Variants in SCHIP1 observed in about 807,000 individuals in gnomAD.
The protein encoded by SCHIP1 is schwannomin-interacting protein 1.
In SCHIP1, 8 loss-of-function variants were observed where a neutral mutation model predicts 29.7. That is an observed-to-expected ratio of 0.27 (90% CI 0.16 to 0.49). The LOEUF is 0.49. Ranked by LOEUF, SCHIP1 falls within the 20% of genes least tolerant of loss-of-function variation. The pLI, the probability that SCHIP1 is intolerant of heterozygous loss-of-function variation, is 0.99. For synonymous variants in SCHIP1, 76 were observed against 94.9 expected (o/e 0.80, Z 1.16); for missense variants, 193 against 294.6 (o/e 0.66, Z 2.52).
the SCHIP1 span, among the ~76,000 whole-genome samples, chr3:159,315,713 TA>T: frequency 1.3e-5 from 2 of 152,178 alleles, no homozygotes; most frequent in Non-Finnish European, 2.9e-5. Context: ...GGAGAGATAT[TA>T]AACTTAAGTG....
At chr3:159,425,577 CCACA>C in the SCHIP1 span, among the ~76,000 whole-genome samples, 1 of 152,078 alleles carries the variant, frequency 6.6e-6, no homozygotes, top group African/African-American at 2.4e-5. Flanking sequence ...ACTTAGACTC[CCACA>C]CATTAATAAT....
the SCHIP1 span, among the ~76,000 whole-genome samples, chr3:159,586,220 T>C: frequency 6.6e-6 from 1 of 152,126 alleles, no homozygotes; most frequent in African/African-American, 2.4e-5. Flanking sequence ...GGGATGTCTA[T>C]TTCTCCAGCT....
At chr3:159,669,496 A>C in the SCHIP1 span, among the ~76,000 whole-genome samples, 2 of 152,198 alleles carry the variant, frequency 1.3e-5, no homozygotes, top group African/African-American at 4.8e-5. Flanking sequence ...TCTGTGTGAA[A>C]ACTTAAAATT....
At chr3:159,344,321 CAA>C in the SCHIP1 span, among the ~76,000 whole-genome samples, 20 of 126,264 alleles carry the variant, frequency 1.6e-4, no homozygotes, top group African/African-American at 2.4e-4. Flanking sequence ...AACTCCATCT[CAA>C]AAAAAAAAAA....
At chr3:159,638,276 A>C in the SCHIP1 span, among the ~76,000 whole-genome samples, 1 of 152,212 alleles carries the variant, frequency 6.6e-6, no homozygotes, top group Non-Finnish European at 1.5e-5. Context: ...TCACTCTACA[A>C]GATTTTCATT....
chr3:159,341,542 C>A, the SCHIP1 span, among the ~76,000 whole-genome samples: 562 of 152,218 alleles, frequency 3.7e-3, 2 homozygotes, highest in African/African-American at 0.013. Context: ...CAAGCCAGCT[C>A]ACACAGGGCT....
At chr3:159,400,921 T>G in the SCHIP1 span, among the ~76,000 whole-genome samples, 19 of 152,328 alleles carry the variant, frequency 1.2e-4, no homozygotes, top group Non-Finnish European at 2.4e-4. Flanking sequence ...TTTGGGCCAG[T>G]TATTTAATCT....
chr3:159,582,330 A>AC, the SCHIP1 span, among the ~76,000 whole-genome samples: 404 of 148,044 alleles, frequency 2.7e-3, 5 homozygotes, highest in African/African-American at 9.6e-3. Context: ...TGTCTGGCTT[A>AC]TTTTTTTTTT....
the SCHIP1 span, among the ~76,000 whole-genome samples, chr3:159,654,033 T>C: frequency 6.6e-5 from 10 of 152,202 alleles, no homozygotes; most frequent in Middle Eastern, 3.2e-3. Flanking sequence ...AAATTGCCTT[T>C]AATACTTGAT....
At chr3:159,301,167 A>G in the SCHIP1 span, among the ~76,000 whole-genome samples, 3 of 152,148 alleles carry the variant, frequency 2.0e-5, no homozygotes, top group African/African-American at 7.2e-5. Context: ...TAAGCCTCAT[A>G]TCAACTTTTG....
chr3:159,391,247 A>C, the SCHIP1 span, among the ~76,000 whole-genome samples: 1 of 152,186 alleles, frequency 6.6e-6, no homozygotes, highest in African/African-American at 2.4e-5. Context: ...GCTTTCAATC[A>C]TTTTGATAGC....
At chr3:159,780,493 A>G in the SCHIP1 span, among the ~76,000 whole-genome samples, 5 of 152,294 alleles carry the variant, frequency 3.3e-5, no homozygotes, top group East Asian at 1.9e-4. Context: ...CTCTTGCCCA[A>G]TCATTAAATA....
the SCHIP1 span, among the ~76,000 whole-genome samples, chr3:159,341,127 G>A: frequency 6.6e-6 from 1 of 151,880 alleles, no homozygotes; most frequent in Non-Finnish European, 1.5e-5. Flanking sequence ...TTGAGTCCCT[G>A]GAGTGTTTTC....
chr3:159,706,222 T>G, the SCHIP1 span, among the ~76,000 whole-genome samples: 4 of 152,150 alleles, frequency 2.6e-5, no homozygotes, highest in Non-Finnish European at 5.9e-5. Flanking sequence ...GACTTTTTTT[T>G]AACTCCACCT....
At chr3:159,709,720 CT>C in the SCHIP1 span, among the ~76,000 whole-genome samples, 1 of 152,064 alleles carries the variant, frequency 6.6e-6, no homozygotes, top group Non-Finnish European at 1.5e-5. Context: ...TGTTAAGACA[CT>C]GGAGGAAATG....
the SCHIP1 span, among the ~76,000 whole-genome samples, chr3:159,359,319 T>G: frequency 1.3e-5 from 2 of 152,288 alleles, no homozygotes; most frequent in African/African-American, 4.8e-5. Flanking sequence ...AAATTAATTT[T>G]TCATAAAAGA....
intron 2 of SCHIP1, among the ~76,000 whole-genome samples, chr3:159,874,436 T>C (rs1043516872): frequency 1.3e-5 from 2 of 152,208 alleles, no homozygotes; most frequent in African/African-American, 4.8e-5. Flanking sequence ...TATTGGTAAA[T>C]GGCTGAGACA....
chr3:159,312,006 C>G, the SCHIP1 span, among the ~76,000 whole-genome samples: 654 of 152,190 alleles, frequency 4.3e-3, 5 homozygotes, highest in African/African-American at 0.015. Flanking sequence ...TACAATAAAA[C>G]CATAGCCTAG....
chr3:159,717,806 G>A, the SCHIP1 span, among the ~76,000 whole-genome samples: 1 of 152,212 alleles, frequency 6.6e-6, no homozygotes, highest in Non-Finnish European at 1.5e-5. Context: ...GAGGTACAAA[G>A]AGGAGCTGGT....
Sources: allele counts gnomAD v4.1 joint callset (sites outside exome capture counted in the v4.1 genomes callset), GRCh38; gene constraint gnomAD v4.1.1; transcripts MANE v1.5; gene names NCBI Gene and HGNC (gene_info 2026-07-23, HGNC 2026-07-21).